LTBP1: variants seen among roughly 807,000 people sequenced by gnomAD.
LTBP1 encodes latent-transforming growth factor beta-binding protein 1.
Under a neutral mutation model 207.6 loss-of-function variants are expected in LTBP1, and 129 were observed. That is an observed-to-expected ratio of 0.62 (90% CI 0.54 to 0.72). LTBP1 has a LOEUF of 0.72. Among genes scored for constraint, LTBP1 ranks in the 30% least tolerant of loss-of-function variants. The pLI is 0.00. For missense variants in LTBP1, 2,281 were observed against 2,217.2 expected (o/e 1.03, Z -0.58); for synonymous variants, 963 against 833.7 (o/e 1.16, Z -2.67).
intron 24 of LTBP1, among the ~76,000 whole-genome samples, chr2:33,318,599 C>T (rs535459339): frequency 6.6e-6 from 1 of 152,162 alleles, no homozygotes; most frequent in East Asian, 1.9e-4. Context: ...TTTCAAATCC[C>T]AGACTTAGAT....
chr2:33,188,546 A>T (rs750125533), intron 6 of LTBP1, 31 bp from the exon 7 acceptor site: 1 of 1,579,792 alleles, frequency 6.3e-7, no homozygotes, highest in Non-Finnish European at 8.6e-7. Flanking sequence ...GTTATTCAGG[A>T]CTAACAAGTT....
intron 9 of LTBP1, among the ~76,000 whole-genome samples, chr2:33,233,945 A>G (rs1270461976): frequency 3.3e-5 from 5 of 151,906 alleles, no homozygotes; most frequent in Non-Finnish European, 5.9e-5. Context: ...TTGTGAGATA[A>G]GTAGTGGTTT....
rs148733988 is a variant in LTBP1, at chr2:32,992,262, A to G, written c.566-28647A>G. ...CAGATTGATACAACAGAGAAACCCA[A>G]TGCCATTGGGGTTCAAAGGAGAAAG... On this transcript the variant is annotated intron_variant, in intron 2 of 33. Coordinates refer to ENST00000404816, the MANE Select transcript of LTBP1 (RefSeq NM_206943.4). 5.6e-4 allele frequency among the ~76,000 whole-genome samples: 85 copies of G among 152,306 alleles called. 1 individual carries two copies. The highest frequency in any genetic ancestry group is 2.0e-3 in the African/African-American group (83 of 41,552).
chr2:33,246,768 A>G lies in LTBP1; in HGVS notation c.1999+2984A>G, dbSNP rs12620295. On this transcript the variant is annotated intron_variant, in intron 10 of 33. Coordinates refer to ENST00000404816, the MANE Select transcript of LTBP1 (RefSeq NM_206943.4). ...CCCCAGAATTCCTTGACTGCAGCCA[A>G]AGGTTGCAACAATTTCACTTTCTCT... 2.1e-3 allele frequency among the ~76,000 whole-genome samples: 327 copies of G among 152,250 alleles called. 6 individuals carry two copies. The East Asian group carries it at 0.051, about 24-fold the overall frequency.
intron 31 of LTBP1, among the ~76,000 whole-genome samples, chr2:33,382,285 G>A (rs1265228441): frequency 6.6e-6 from 1 of 151,602 alleles, no homozygotes; most frequent in African/African-American, 2.4e-5. Context: ...GGTAGAGACG[G>A]GGTTTCACCA....
chr2:33,061,545 A>G (rs187475173), intron 3 of LTBP1: 12 of 152,238 alleles, frequency 7.9e-5, no homozygotes, highest in Non-Finnish European at 1.6e-4. Context: ...TAGAAACTTC[A>G]TGTGAGATTA....
chr2:33,069,176 T>C (rs1261725338), intron 3 of LTBP1, among the ~76,000 whole-genome samples: 1 of 152,146 alleles, frequency 6.6e-6, no homozygotes, highest in Non-Finnish European at 1.5e-5. Context: ...GTGTACTTGT[T>C]AGGTATCCCT....
intron 10 of LTBP1, among the ~76,000 whole-genome samples, chr2:33,245,969 A>T (rs573032281): frequency 1.3e-5 from 2 of 152,342 alleles, no homozygotes; most frequent in East Asian, 3.8e-4. Flanking sequence ...AGATTATAGA[A>T]ATCTGCCAAT....
At chr2:33,257,607 C>T (rs938981480) in intron 12 of LTBP1, 96 bp downstream of exon 12, 1 of 1,015,138 alleles carries the variant, frequency 9.9e-7, no homozygotes. Flanking sequence ...AGTTTCTCAG[C>T]CTAAGCACTA....
chr2:33,113,556 G>A (rs187218296), intron 4 of LTBP1, among the ~76,000 whole-genome samples: 2 of 152,270 alleles, frequency 1.3e-5, no homozygotes, highest in East Asian at 3.9e-4. Context: ...TTTTCCCACA[G>A]TTTTGATAAT....
chr2:33,037,042 T>G (rs1212429454), intron 3 of LTBP1, among the ~76,000 whole-genome samples: 1 of 152,204 alleles, frequency 6.6e-6, no homozygotes, highest in African/African-American at 2.4e-5. Context: ...GATTTTCTTC[T>G]AAAAGCTTTT....
At chr2:33,077,969 T>C (rs2078175787) in intron 3 of LTBP1, among the ~76,000 whole-genome samples, 1 of 152,146 alleles carries the variant, frequency 6.6e-6, no homozygotes. Context: ...GTGAAGCGGG[T>C]GAACTCACCC....
At chr2:33,372,148 A>G (rs1164225161) in intron 31 of LTBP1, among the ~76,000 whole-genome samples, 5 of 152,156 alleles carry the variant, frequency 3.3e-5, no homozygotes, top group Non-Finnish European at 7.4e-5. Flanking sequence ...CAAGCTTAAG[A>G]TGCCTGTCAG....
rs185602884 is a variant in LTBP1 at position 33,054,398 on chromosome 2, C to T, written c.863+33192C>T. Among the ~76,000 whole-genome samples the T allele has an allele frequency of 1.6e-3, 238 of 152,218 alleles. 1 individual carries two copies. Among genetic ancestry groups the T allele is most frequent in the African/African-American group, 4.9e-3 (203 of 41,536 alleles). ...ATCTTTTAACCTGATTTGGACTGGG[C>T]GGGCATTTTTTAGCCTTCCAAATTG... On this transcript the variant is annotated intron_variant, in intron 3 of 33. Transcript: ENST00000404816.
chr2:33,062,350 C>T (rs574279308), intron 3 of LTBP1, among the ~76,000 whole-genome samples: 25 of 152,104 alleles, frequency 1.6e-4, no homozygotes, highest in African/African-American at 5.1e-4. Flanking sequence ...TTCTGTGTGT[C>T]GCTCAATAAA....
intron 20 of LTBP1, 83 bp from the exon 21 acceptor site, chr2:33,300,368 T>G (rs1277786546): frequency 7.1e-7 from 1 of 1,399,218 alleles, no homozygotes; most frequent in African/African-American, 1.4e-5. Context: ...TTTGTTACAC[T>G]AATCCCAGAA....
intron 9 of LTBP1, among the ~76,000 whole-genome samples, chr2:33,241,239 CGGTG>C (rs2092312648): frequency 6.6e-6 from 1 of 152,134 alleles, no homozygotes; most frequent in Non-Finnish European, 1.5e-5. Flanking sequence ...GTGCCAGTGC[CGGTG>C]GCACAAGCTG....
chr2:32,987,649 A>T (rs756587622), intron 2 of LTBP1, among the ~76,000 whole-genome samples: 1 of 152,152 alleles, frequency 6.6e-6, no homozygotes, highest in African/African-American at 2.4e-5. Context: ...AACTTGTAAG[A>T]TGCTTGGTCT....
intron 15 of LTBP1, 97 bp from the exon 16 acceptor site, chr2:33,273,559 C>G (rs1021279935): frequency 1.2e-6 from 1 of 866,056 alleles, no homozygotes; most frequent in Non-Finnish European, 1.7e-6. Context: ...CAATAATTTG[C>G]TAGTTGGTCA....
Sources: allele counts gnomAD v4.1 joint callset (sites outside exome capture counted in the v4.1 genomes callset), GRCh38; gene constraint gnomAD v4.1.1; transcripts MANE v1.5; gene names NCBI Gene and HGNC (gene_info 2026-07-23, HGNC 2026-07-21).